The following PRKCZ variants were observed in gnomAD, a reference collection of about 807,000 sequenced individuals.
PRKCZ encodes the protein protein kinase C zeta.
Under a neutral mutation model 79.5 loss-of-function variants are expected in PRKCZ, and 33 were observed. That is an observed-to-expected ratio of 0.41 (90% CI 0.31 to 0.55). PRKCZ has a LOEUF of 0.55. Ranked by LOEUF, PRKCZ falls within the 20% of genes least tolerant of loss-of-function variation. The pLI is 0.19. For synonymous variants in PRKCZ, 342 were observed against 320.9 expected (o/e 1.07, Z -0.70); for missense variants, 578 against 813.5 (o/e 0.71, Z 3.52).
At chr1:2,086,364 C>T (rs964287864) in intron 4 of PRKCZ, among the ~76,000 whole-genome samples, 1 of 152,110 alleles carries the variant, frequency 6.6e-6, no homozygotes, top group Non-Finnish European at 1.5e-5. Context: ...CCTCAGCCTC[C>T]CTAAGTGCTG....
In PRKCZ at chr1:2,165,050, G is replaced by C. The variant is rs941992868; in HGVS notation, c.975-4468G>C. 2.6e-5 allele frequency among the ~76,000 whole-genome samples: 4 copies of C among 152,234 alleles called. No individual in the cohort carries two copies. The highest frequency in any genetic ancestry group is 9.6e-5 in the African/African-American group (4 of 41,462). On this transcript the variant is annotated intron_variant, in intron 10 of 17. Transcript: ENST00000378567. The surrounding 1 kb of genome is among the most constrained non-coding windows in gnomAD (Gnocchi z 4.1). ...TCGCTGGGACACACTGCCCTCCAGTGCTCGAGTGCATTTCCTGGGCACTTT... is the reference window on the plus strand; with the variant it reads ...TCGCTGGGACACACTGCCCTCCAGTCCTCGAGTGCATTTCCTGGGCACTTT...
Position 2,102,788 on chromosome 1 carries a change from A to C in PRKCZ, c.335-32474A>C, listed in dbSNP as rs537898520. The stretch of plus-strand genomic sequence containing the variant: ...ACTCTCCTGCGTCACGGATTGGTTC[A>C]GAACCAGGAGACACAGGGCCCAGAA... On this transcript the variant is annotated intron_variant, in intron 4 of 17. Coordinates refer to ENST00000378567, the MANE Select transcript of PRKCZ (RefSeq NM_002744.6). Among the ~76,000 whole-genome samples, 7 of 152,306 alleles carry C rather than the reference A, an allele frequency of 4.6e-5. No individual in the cohort carries two copies. In the South Asian group the frequency reaches 1.5e-3, roughly 32 times the overall value.
chr1:2,134,805 C>T (rs1029067138), intron 4 of PRKCZ: 2 of 153,680 alleles, frequency 1.3e-5, no homozygotes, highest in African/African-American at 4.8e-5. Context: ...ACTCTTCCTC[C>T]TCTGACAGTC....
At chr1:2,055,280 T>G in intron 1 of PRKCZ, among the ~76,000 whole-genome samples, 161 bp from the exon 2 acceptor site, 1 of 136,632 alleles carries the variant, frequency 7.3e-6, no homozygotes. Flanking sequence ...TGGTTAATGG[T>G]TCTATTTTGT....
chr1:2,129,593 G>GT (rs1674576328), intron 4 of PRKCZ, among the ~76,000 whole-genome samples: 2 of 152,210 alleles, frequency 1.3e-5, no homozygotes, highest in African/African-American at 4.8e-5. Flanking sequence ...CTCATTAATT[G>GT]TAACAGTGTA....
At position 2,185,050 on chromosome 1, in the gene PRKCZ, T is replaced by C. The variant is rs1413325982; in HGVS notation, c.*41T>C. 3 of 1,541,258 alleles carry C rather than the reference T, an allele frequency of 1.9e-6. No individual in the cohort carries two copies. In the East Asian group the frequency reaches 6.9e-5, roughly 35 times the overall value. ...TGTCGTGGACACGCGTGATTGACCC[T>C]TTAACTGTATCCTTAACCACCGCAT... On this transcript the variant is annotated 3_prime_UTR_variant, in exon 18 of 18. Transcript: ENST00000378567.
At chr1:2,068,487 C>G (rs755387318) in intron 4 of PRKCZ, among the ~76,000 whole-genome samples, 2 of 152,256 alleles carry the variant, frequency 1.3e-5, no homozygotes, top group Non-Finnish European at 2.9e-5. Flanking sequence ...TGTGTCTTTT[C>G]TCACTGGAAC....
chr1:2,102,594 A>C (rs1667672289), intron 4 of PRKCZ, among the ~76,000 whole-genome samples: 1 of 152,098 alleles, frequency 6.6e-6, no homozygotes, highest in African/African-American at 2.4e-5. Flanking sequence ...GGCCTCCCAA[A>C]GTGCTAGGAT....
chr1:2,084,752 C>T (rs1450999791), intron 4 of PRKCZ, among the ~76,000 whole-genome samples: 1 of 152,220 alleles, frequency 6.6e-6, no homozygotes, highest in Non-Finnish European at 1.5e-5. Flanking sequence ...CGCCTGTCAT[C>T]CCAGCACTTC....
intron 4 of PRKCZ, among the ~76,000 whole-genome samples, chr1:2,088,998 T>C (rs1444896139): frequency 2.0e-5 from 3 of 152,262 alleles, no homozygotes; most frequent in African/African-American, 7.2e-5. Context: ...TCTTCTATAC[T>C]ATTAGTTTTT....
At chr1:2,134,086 C>G (rs1038875216) in intron 4 of PRKCZ, 1 of 152,278 alleles carries the variant, frequency 6.6e-6, no homozygotes, top group South Asian at 2.1e-4. Flanking sequence ...GCCGGAGGGG[C>G]CTTTGGTGTC....
upstream of PRKCZ, chr1:2,050,171 C>T (rs1323759575): frequency 6.6e-6 from 1 of 152,104 alleles, no homozygotes; most frequent in African/African-American, 2.4e-5. Context: ...CCTCCGGTTG[C>T]CGGGCAGAGC....
At chr1:2,139,129 C>T (rs1393190123) in intron 5 of PRKCZ, among the ~76,000 whole-genome samples, 1 of 152,164 alleles carries the variant, frequency 6.6e-6, no homozygotes, top group East Asian at 1.9e-4. Context: ...AATTGAAGAG[C>T]TCCTACACAA....
intron 4 of PRKCZ, chr1:2,073,517 A>G (rs183689793): frequency 4.5e-6 from 3 of 663,386 alleles, no homozygotes; most frequent in Middle Eastern, 7.7e-4. Flanking sequence ...CTGATGTCGC[A>G]TTTTCAAGGT....
At chr1:2,151,517 G>C (rs551957439) in intron 9 of PRKCZ, among the ~76,000 whole-genome samples, 1 of 152,370 alleles carries the variant, frequency 6.6e-6, no homozygotes, top group East Asian at 1.9e-4. Context: ...ACAGGAAGCT[G>C]CCCAGAGGCA....
rs201617679 is a variant in PRKCZ at position 2,124,260 on chromosome 1, T to C, written c.335-11002T>C. On this transcript the variant is annotated intron_variant, in intron 4 of 17. Transcript: ENST00000378567. ...AGGGTCACGGTGGTGGTTAGGGTCATGGCGGTAGTTAGGGTCACGGCTGTA... is the reference window on the plus strand; with the variant it reads ...AGGGTCACGGTGGTGGTTAGGGTCACGGCGGTAGTTAGGGTCACGGCTGTA... Among the ~76,000 whole-genome samples, 300 of 109,100 alleles carry C rather than the reference T, an allele frequency of 2.7e-3. 30 individuals are homozygous for C. Among genetic ancestry groups the C allele is most frequent in the South Asian group, 3.9e-3 (12 of 3,084 alleles). The allele number at this position is 109,100 out of a possible 152,430, so 71.6% of individuals were successfully genotyped here.
chr1:2,155,939 G>A (rs1680951539), intron 9 of PRKCZ, 56 bp from the exon 10 acceptor site: 1 of 1,484,526 alleles, frequency 6.7e-7, no homozygotes, highest in Non-Finnish European at 9.4e-7. Context: ...CCTTGCCCAG[G>A]ATGCCTGTGA....
Position 2,125,114 on chromosome 1 carries a change from G to A in PRKCZ, c.335-10148G>A, listed in dbSNP as rs567781542. ...GGGTCTGTTTGAGGGTGGGGGACAC[G>A]GAGCTCAGCAGTGAGGAACTCGGAG... On this transcript the variant is annotated intron_variant, in intron 4 of 17. Coordinates refer to ENST00000378567, the MANE Select transcript of PRKCZ (RefSeq NM_002744.6). This position sits in a 1 kb window ranked among gnomAD's most constrained non-coding sequence, Gnocchi z 4.2. Among the ~76,000 whole-genome samples, 187 of 152,238 alleles carry A rather than the reference G, an allele frequency of 1.2e-3. No individual in the cohort carries two copies. The highest frequency in any genetic ancestry group is 4.1e-3 in the African/African-American group (172 of 41,552).
chr1:2,178,053 C>G lies in PRKCZ; in HGVS notation c.1575+2740C>G, dbSNP rs539450250. On this transcript the variant is annotated intron_variant, in intron 16 of 17. Coordinates refer to ENST00000378567, the MANE Select transcript of PRKCZ (RefSeq NM_002744.6). This position sits in a 1 kb window ranked among gnomAD's most constrained non-coding sequence, Gnocchi z 4.3. ...CAGCAGGGTTGGTGTGGGGTCACCACCACCCCCATGTGACCTTGGCAGAAG... is the reference window on the plus strand; with the variant it reads ...CAGCAGGGTTGGTGTGGGGTCACCAGCACCCCCATGTGACCTTGGCAGAAG... Among the ~76,000 whole-genome samples the G allele has an allele frequency of 6.6e-6, 1 of 152,230 alleles. No homozygotes were observed. The highest frequency in any genetic ancestry group is 1.5e-5 in the Non-Finnish European group (1 of 68,046).
Sources: allele counts gnomAD v4.1 joint callset (sites outside exome capture counted in the v4.1 genomes callset), GRCh38; gene constraint gnomAD v4.1.1; non-coding constraint Gnocchi (gnomAD v3.1); transcripts MANE v1.5; gene names NCBI Gene and HGNC (gene_info 2026-07-23, HGNC 2026-07-21).